The following CEP162 variants were observed in gnomAD, a reference collection of about 807,000 sequenced individuals.
CEP162 encodes the protein centrosomal protein of 162 kDa.
A neutral mutation model predicts 169.2 loss-of-function variants in CEP162; 141 were observed. That is an observed-to-expected ratio of 0.83 (90% CI 0.73 to 0.96). The LOEUF (loss-of-function observed/expected upper bound fraction) is 0.96, where lower values mean the gene tolerates loss of function less well. CEP162 is among the 40% of genes least tolerant of loss of function. The pLI is 0.00. For missense variants in CEP162, 1,600 were observed against 1,587.2 expected (o/e 1.01, Z -0.14); for synonymous variants, 540 against 526.4 (o/e 1.03, Z -0.35).
chr6:84,169,856 C>G (rs2099529296), intron 17 of CEP162, among the ~76,000 whole-genome samples: 7 of 152,120 alleles, frequency 4.6e-5, no homozygotes. Flanking sequence ...AGCCTAATAT[C>G]TGGACTTTAG....
At chr6:84,224,309 C>T (rs973418570) in intron 2 of CEP162, among the ~76,000 whole-genome samples, 8 of 152,162 alleles carry the variant, frequency 5.3e-5, no homozygotes, top group Admixed American at 3.3e-4. Flanking sequence ...ATATATAATA[C>T]AATTTCTATG....
intron 2 of CEP162, among the ~76,000 whole-genome samples, chr6:84,225,143 C>A (rs1159856533): frequency 6.6e-6 from 1 of 152,066 alleles, no homozygotes; most frequent in Non-Finnish European, 1.5e-5. Flanking sequence ...CAAGGCCCCT[C>A]CATTTATATA....
intron 23 of CEP162, among the ~76,000 whole-genome samples, chr6:84,151,940 T>C (rs1214000463): frequency 1.3e-5 from 2 of 151,986 alleles, no homozygotes; most frequent in Non-Finnish European, 2.9e-5. Context: ...AAATACTATT[T>C]GTGAAAAACG....
At chr6:84,195,713 T>C (rs948465748) in intron 9 of CEP162, among the ~76,000 whole-genome samples, 1 of 152,214 alleles carries the variant, frequency 6.6e-6, no homozygotes, top group African/African-American at 2.4e-5. Context: ...TTACCATAAT[T>C]TTGAGGGCAA....
At chr6:84,223,456 G>A (rs1426382133) in intron 2 of CEP162, among the ~76,000 whole-genome samples, 3 of 151,288 alleles carry the variant, frequency 2.0e-5, no homozygotes, top group East Asian at 2.0e-4. Context: ...CCAAGATTGC[G>A]TCACTGCACT....
At position 84,169,297 on chromosome 6, in the gene CEP162, C is replaced by A. The variant is rs773648399; in HGVS notation, c.2385+31G>T. ...GGGATTTTTATAAAACCTTTATTAT[C>A]CCTAATAGTCAAAATCGTTATGCAA... is the stretch of plus-strand genomic sequence containing the variant. On this transcript the variant is annotated intron_variant, in intron 18 of 26. Coordinates refer to ENST00000403245, the MANE Select transcript of CEP162 (RefSeq NM_014895.4). The A allele has an allele frequency of 3.4e-6, 4 of 1,186,702 alleles. No individual in the cohort carries two copies. In the South Asian group the frequency reaches 4.6e-5, roughly 14 times the overall value. 73.5% of individuals were successfully genotyped at this position (1,186,702 alleles called of 1,614,324 possible). A position where few individuals can be genotyped will look rare whatever the true frequency, so the allele number is the denominator to read the frequency against.
intron 18 of CEP162, among the ~76,000 whole-genome samples, chr6:84,166,771 C>A (rs1450335699): frequency 6.6e-6 from 1 of 152,108 alleles, no homozygotes; most frequent in East Asian, 1.9e-4. Flanking sequence ...TACTAATTGG[C>A]ACTAATTTTT....
Position 84,129,531 on chromosome 6 carries a change from A to T in CEP162, c.3871-3019T>A, listed in dbSNP as rs147423472. On this transcript the variant is annotated intron_variant, in intron 25 of 26. Coordinates refer to ENST00000403245, the MANE Select transcript of CEP162 (RefSeq NM_014895.4). ...ATCCTTTGCCCACTTTTTGATGGGGATGTTTTTTTTCTTGTAAATTTGTTT... is the reference window on the plus strand; with the variant it reads ...ATCCTTTGCCCACTTTTTGATGGGGTTGTTTTTTTTCTTGTAAATTTGTTT... Among the ~76,000 whole-genome samples the T allele has an allele frequency of 9.3e-3, 1,416 of 151,722 alleles. 17 individuals carry two copies. Among genetic ancestry groups the T allele is most frequent in the African/African-American group, 0.032 (1,334 of 41,400 alleles).
At chr6:84,200,026 G>A (rs185828107) in intron 9 of CEP162, among the ~76,000 whole-genome samples, 2,075 of 151,990 alleles carry the variant, frequency 0.014, 19 homozygotes, top group Middle Eastern at 0.024. Context: ...TGAGGCGGGC[G>A]GATCACAAGA....
intron 26 of CEP162, 97 bp from the exon 27 acceptor site, chr6:84,125,373 G>A: frequency 1.0e-6 from 1 of 976,658 alleles, no homozygotes; most frequent in South Asian, 1.4e-5. Context: ...GGTTTCTTTG[G>A]GGAACTCAGG....
chr6:84,196,959 A>G (rs1326891792), intron 9 of CEP162, among the ~76,000 whole-genome samples: 1 of 152,242 alleles, frequency 6.6e-6, no homozygotes, highest in Non-Finnish European at 1.5e-5. Flanking sequence ...TCAAGAGGAC[A>G]TGAGGAAAAA....
chr6:84,154,751 C>T (rs1419330612), intron 22 of CEP162, among the ~76,000 whole-genome samples: 3 of 152,104 alleles, frequency 2.0e-5, no homozygotes, highest in Non-Finnish European at 4.4e-5. Flanking sequence ...TATTTGTCTA[C>T]AAAATTTTTT....
intron 3 of CEP162, among the ~76,000 whole-genome samples, 187 bp downstream of exon 3, chr6:84,220,870 G>A (rs190622716): frequency 2.0e-5 from 3 of 151,886 alleles, no homozygotes; most frequent in Middle Eastern, 3.4e-3. Flanking sequence ...ATGTTATAAC[G>A]CAGATTCTCA....
In CEP162 at chr6:84,200,810, C is replaced by T; in HGVS notation, c.814G>A (p.Glu272Lys). ...PKPRCLPEMT[E>K]NEMTGTGVSY... The stretch of plus-strand genomic sequence containing the variant: ...TTACCTGTTCCTGTCATTTCATTCT[C>T]AGTCATTTCTGGTAGGCACCTTGGC... Residue 272 changes from glutamate (E) to lysine (K), a missense_variant, in exon 9 of 27, where the codon GAG becomes AAG. Transcript: ENST00000403245. 4 of 1,601,106 alleles carry T rather than the reference C, an allele frequency of 2.5e-6. No individual in the cohort carries two copies. Among genetic ancestry groups the T allele is most frequent in the South Asian group, 1.1e-5 (1 of 90,722 alleles).
chr6:84,220,554 G>GT (rs1318258578), intron 3 of CEP162, among the ~76,000 whole-genome samples: 4 of 152,186 alleles, frequency 2.6e-5, no homozygotes, highest in African/African-American at 9.6e-5. Context: ...GAGTCCAGGA[G>GT]TTTGAAGTTA....
At chr6:84,194,823 A>G in intron 10 of CEP162, 61 bp downstream of exon 10, 1 of 1,184,618 alleles carries the variant, frequency 8.4e-7, no homozygotes, top group East Asian at 2.4e-5. Context: ...TAATTATATT[A>G]CACTAAAAAC....
chr6:84,192,406 C>T (rs2099540286), intron 11 of CEP162, among the ~76,000 whole-genome samples: 1 of 152,182 alleles, frequency 6.6e-6, no homozygotes, highest in African/African-American at 2.4e-5. Flanking sequence ...TCTGTAGTTA[C>T]CGCTAACATA....
At chr6:84,140,559 G>A (rs565782926) in intron 25 of CEP162, among the ~76,000 whole-genome samples, 1 of 152,240 alleles carries the variant, frequency 6.6e-6, no homozygotes, top group South Asian at 2.1e-4. Context: ...ACAGGGTCTT[G>A]CTCTGTCACC....
intron 11 of CEP162, among the ~76,000 whole-genome samples, chr6:84,189,668 C>G (rs2127718693): frequency 6.6e-6 from 1 of 152,330 alleles, no homozygotes; most frequent in Non-Finnish European, 1.5e-5. Flanking sequence ...CCATGGGCTC[C>G]TGTGTGGCCC....
Sources: gnomAD v4.1 joint callset for allele counts (sites outside exome capture counted in the v4.1 genomes callset) on GRCh38, gnomAD v4.1.1 for gene constraint, MANE v1.5 for transcripts, NCBI Gene and HGNC (gene_info 2026-07-23, HGNC 2026-07-21) for gene names.